The following FBXL17 variants were observed in gnomAD, a reference collection of about 807,000 sequenced individuals.
The protein encoded by FBXL17 is F-box and leucine rich repeat protein 17.
Under a neutral mutation model 66.2 loss-of-function variants are expected in FBXL17, and 22 were observed. That is an observed-to-expected ratio of 0.33 (90% CI 0.24 to 0.47). The LOEUF (loss-of-function observed/expected upper bound fraction) is 0.47. FBXL17 is among the 20% of genes least tolerant of loss of function. The pLI, the probability that FBXL17 is intolerant of heterozygous loss-of-function variation, is 1.00. For synonymous variants in FBXL17, 474 were observed against 400.5 expected, an observed-to-expected ratio of 1.18 and a Z score of -2.19; for missense variants, 878 against 948.2, an observed-to-expected ratio of 0.93 and a Z score of 0.97.
At chr5:108,011,624 T>C (rs1179759623) in intron 7 of FBXL17, among the ~76,000 whole-genome samples, 5 of 151,958 alleles carry the variant, frequency 3.3e-5, no homozygotes, top group Non-Finnish European at 1.5e-5. Flanking sequence ...GCCAACATTG[T>C]GAAACCCTGT....
chr5:108,243,914 G>T (rs1755976614), intron 4 of FBXL17, among the ~76,000 whole-genome samples: 1 of 152,150 alleles, frequency 6.6e-6, no homozygotes, highest in Non-Finnish European at 1.5e-5. Context: ...AACATATAAA[G>T]AACAGTGGAA....
intron 6 of FBXL17, among the ~76,000 whole-genome samples, chr5:108,079,188 T>C (rs529676949): frequency 5.3e-5 from 8 of 150,858 alleles, no homozygotes; most frequent in Admixed American, 6.6e-5. Flanking sequence ...CTGCCTTTTG[T>C]GAGTTGATTT....
chr5:108,371,891 G>A (rs184828799), intron 1 of FBXL17, among the ~76,000 whole-genome samples: 1 of 152,084 alleles, frequency 6.6e-6, no homozygotes, highest in African/African-American at 2.4e-5. Flanking sequence ...TTCACTGCAG[G>A]ACGAGACTCA....
chr5:108,182,215 T>A (rs1205326815), intron 6 of FBXL17, among the ~76,000 whole-genome samples: 1 of 152,174 alleles, frequency 6.6e-6, no homozygotes, highest in Non-Finnish European at 1.5e-5. Flanking sequence ...CTTTCTGATT[T>A]ACTGGAGGAT....
chr5:107,881,842 A>G (rs188054379), intron 7 of FBXL17, among the ~76,000 whole-genome samples: 29 of 152,306 alleles, frequency 1.9e-4, no homozygotes, highest in Non-Finnish European at 3.7e-4. Context: ...TACAAAATGA[A>G]GCCTGTCGTC....
chr5:108,091,591 C>G (rs562701508), intron 6 of FBXL17, among the ~76,000 whole-genome samples: 1 of 152,034 alleles, frequency 6.6e-6, no homozygotes, highest in East Asian at 1.9e-4. Context: ...TTTATATGAA[C>G]CTTGCTTTTT....
At chr5:108,042,994 T>C (rs1482270695) in intron 6 of FBXL17, among the ~76,000 whole-genome samples, 3 of 152,198 alleles carry the variant, frequency 2.0e-5, no homozygotes, top group African/African-American at 4.8e-5. Context: ...ACAGTGAACA[T>C]CTTTTCAAGT....
At chr5:107,912,870 T>C (rs1749998913) in intron 7 of FBXL17, among the ~76,000 whole-genome samples, 1 of 152,120 alleles carries the variant, frequency 6.6e-6, no homozygotes, top group African/African-American at 2.4e-5. Flanking sequence ...AAATTTTAGC[T>C]CTGCCACTTA....
chr5:108,278,487 C>A (rs1757572286), intron 4 of FBXL17, among the ~76,000 whole-genome samples: 2 of 152,128 alleles, frequency 1.3e-5, no homozygotes, highest in African/African-American at 4.8e-5. Flanking sequence ...GGCTGCAGCC[C>A]CCAGTGCTAG....
In FBXL17 at chr5:108,379,407, A is replaced by C. The variant is rs187513280; in HGVS notation, c.993+1292T>G. Among the ~76,000 whole-genome samples, 378 of 152,308 alleles carry C rather than the reference A, an allele frequency of 2.5e-3. 1 individual carries two copies. The highest frequency in any genetic ancestry group is 8.5e-3 in the African/African-American group (354 of 41,566). ...CAAAGAGTAGGCAATTACTCTTCCAACAAGTAGACCTCCATAAGAATTAGA... is the reference window on the plus strand; with the variant it reads ...CAAAGAGTAGGCAATTACTCTTCCACCAAGTAGACCTCCATAAGAATTAGA... On this transcript the variant is annotated intron_variant, in intron 1 of 8. Coordinates refer to ENST00000542267, the MANE Select transcript of FBXL17 (RefSeq NM_001163315.3).
chr5:108,248,377 T>G (rs546261117), intron 4 of FBXL17, among the ~76,000 whole-genome samples: 1 of 152,146 alleles, frequency 6.6e-6, no homozygotes, highest in Non-Finnish European at 1.5e-5. Context: ...TCAGTGAACC[T>G]GAAGATAGAA....
rs147533542 is a variant in FBXL17 at position 107,951,519 on chromosome 5, C to A, written c.1822+69406G>T. 2.1e-3 allele frequency among the ~76,000 whole-genome samples: 320 copies of A among 152,286 alleles called. 2 individuals are homozygous for A. The highest frequency in any genetic ancestry group is 7.4e-3 in the African/African-American group (309 of 41,562). ...GGGCCTGGTGCTGCAATGCACCTAC[C>A]CTGCTAGACTGAATGCCATGAGGTG... On this transcript the variant is annotated intron_variant, in intron 7 of 8. Coordinates refer to ENST00000542267, the MANE Select transcript of FBXL17 (RefSeq NM_001163315.3).
chr5:108,096,314 G>C (rs1482247921), intron 6 of FBXL17, among the ~76,000 whole-genome samples: 1 of 152,144 alleles, frequency 6.6e-6, no homozygotes, highest in Non-Finnish European at 1.5e-5. Context: ...AAAATATAGT[G>C]TTTTTCAGAC....
intron 8 of FBXL17, chr5:107,880,498 T>C: frequency 1.0e-6 from 1 of 997,808 alleles, no homozygotes. Context: ...CCACTTCTTA[T>C]CATGTGCTGG....
intron 7 of FBXL17, among the ~76,000 whole-genome samples, chr5:108,000,083 A>G (rs1008207562): frequency 1.2e-4 from 18 of 152,194 alleles, no homozygotes; most frequent in Non-Finnish European, 2.6e-4. Flanking sequence ...ACTTCCCTGG[A>G]TTCCTGTTTT....
chr5:108,315,097 T>C (rs1235668561), intron 4 of FBXL17, among the ~76,000 whole-genome samples: 1 of 151,084 alleles, frequency 6.6e-6, no homozygotes, highest in Non-Finnish European at 1.5e-5. Flanking sequence ...TTTAAAAAAG[T>C]ACAACCTCAT....
At chr5:108,065,320 C>T (rs1748078147) in intron 6 of FBXL17, among the ~76,000 whole-genome samples, 1 of 152,164 alleles carries the variant, frequency 6.6e-6, no homozygotes. Flanking sequence ...ATACAAAGCA[C>T]ATACAGGAAG....
intron 4 of FBXL17, among the ~76,000 whole-genome samples, chr5:108,324,591 T>C (rs1759764481): frequency 6.6e-6 from 1 of 152,058 alleles, no homozygotes; most frequent in African/African-American, 2.4e-5. Context: ...TCTGGATATA[T>C]ACCCCAAAGA....
intron 6 of FBXL17, among the ~76,000 whole-genome samples, chr5:108,052,746 C>T (rs1004987237): frequency 1.3e-5 from 2 of 152,122 alleles, no homozygotes; most frequent in African/African-American, 4.8e-5. Context: ...CAAGACAATC[C>T]TAAGCAAAAA....
Sources: gnomAD v4.1 joint callset for allele counts (sites outside exome capture counted in the v4.1 genomes callset) on GRCh38, gnomAD v4.1.1 for gene constraint, MANE v1.5 for transcripts, NCBI Gene and HGNC (gene_info 2026-07-23, HGNC 2026-07-21) for gene names.